UMODL1: variants seen among roughly 807,000 people sequenced by gnomAD.
UMODL1 encodes uromodulin like 1.
In UMODL1, 128 loss-of-function variants were observed where a neutral mutation model predicts 136.3. The ratio of observed to expected loss-of-function variants is 0.94; its 90% CI spans 0.81 to 1.09. The LOEUF (loss-of-function observed/expected upper bound fraction) is 1.09. Ranked by LOEUF, UMODL1 falls within the 50% of genes least tolerant of loss-of-function variation. The pLI is 0.00. For synonymous variants in UMODL1, 721 were observed against 720.0 expected (o/e 1.00, Z -0.02); for missense variants, 1,766 against 1,725.6 (o/e 1.02, Z -0.41).
upstream of UMODL1, among the ~76,000 whole-genome samples, chr21:42,068,243 C>T (rs576673984): frequency 2.6e-5 from 4 of 152,214 alleles, no homozygotes; most frequent in East Asian, 1.9e-4. This position sits in a 1 kb window ranked among gnomAD's most constrained non-coding sequence, Gnocchi z 5.5. Flanking sequence ...GACACGGTCC[C>T]GTCCTCAAGG....
chr21:42,133,449 C>T (rs921529844), intron 21 of UMODL1, among the ~76,000 whole-genome samples: 2 of 152,224 alleles, frequency 1.3e-5, no homozygotes, highest in Non-Finnish European at 2.9e-5. Flanking sequence ...CTCCTGGGGA[C>T]TGAGCTGGCT....
rs755585910 is a variant in UMODL1, at chr21:42,123,075, C to T, written c.3072C>T (p.Cys1024=). The T allele has an allele frequency of 1.9e-6, 3 of 1,614,138 alleles. No individual in the cohort carries two copies. In the South Asian group the frequency reaches 3.3e-5, roughly 18 times the overall value. The change falls in exon 17 of 23, where the codon TGC becomes TGT. Residue 1024 remains cysteine (C), a synonymous_variant. Transcript: ENST00000408910. The surrounding 1 kb of genome is among the most constrained non-coding windows in gnomAD (Gnocchi z 4.4). ...CGTTGTACCTCAGCCACCCCTCCTG[C>T]AACGTGAGCCACAGCAATGGCACAC... ...ESSLYLSHPS[C]NVSHSNGTHV... is the part of the protein sequence containing the mutation.
At chr21:42,139,215 C>G (rs115793566) in intron 22 of UMODL1, among the ~76,000 whole-genome samples, 1 of 152,116 alleles carries the variant, frequency 6.6e-6, no homozygotes, top group East Asian at 1.9e-4. Flanking sequence ...TATCTGGCAG[C>G]GTGTGAGACT....
chr21:42,111,787 C>T (rs1245092586), intron 12 of UMODL1, 77 bp downstream of exon 12: 5 of 1,411,718 alleles, frequency 3.5e-6, no homozygotes, highest in Middle Eastern at 1.8e-4. Context: ...GGCAAAGCTC[C>T]TGCAGCCGTG....
rs1263054494 is a variant in UMODL1, at chr21:42,099,800, C to A, written c.1186+620C>A. Among the ~76,000 whole-genome samples the A allele has an allele frequency of 6.6e-6, 1 of 152,190 alleles. No individual in the cohort carries two copies. The highest frequency in any genetic ancestry group is 1.5e-5 in the Non-Finnish European group (1 of 68,036). ...GACTCAAGTGATCCTGCCACCTCAG[C>A]CTCCCTAGTAGCTGGGACCACAGGC... On this transcript the variant is annotated intron_variant, in intron 7 of 22. Transcript: ENST00000408910. The surrounding 1 kb of genome is among the most constrained non-coding windows in gnomAD (Gnocchi z 4.1).
At chr21:42,115,731 C>A (rs781182935) in intron 13 of UMODL1, 142 bp from the exon 14 acceptor site, 24 of 624,154 alleles carry the variant, frequency 3.8e-5, no homozygotes, top group Non-Finnish European at 6.2e-5. Context: ...TGAGCCCTGG[C>A]ACTATTCCTT....
chr21:42,113,900 C>T (rs1261521316), intron 13 of UMODL1, 70 bp downstream of exon 13: 43 of 1,542,510 alleles, frequency 2.8e-5, no homozygotes, highest in Non-Finnish European at 3.6e-5. Flanking sequence ...TGGGTTAAGG[C>T]TTAAGAGAGC....
intron 13 of UMODL1, among the ~76,000 whole-genome samples, chr21:42,114,098 C>G (rs1361195860): frequency 6.6e-6 from 1 of 152,238 alleles, no homozygotes; most frequent in Non-Finnish European, 1.5e-5. Context: ...GCGGGTGCGG[C>G]TCACCCATGT....
In UMODL1 at chr21:42,090,318, G is replaced by A. The variant is rs570583769; in HGVS notation, c.811G>A (p.Glu271Lys). The change falls in exon 6 of 23, where the codon GAG becomes AAG. Residue 271 changes from glutamate to lysine, a missense_variant. Transcript: ENST00000408910. ...QVQDVNECFY[E>K]ELNACSGREL... ...TGTAGATGTCAATGAGTGTTTCTATGAGGAGCTCAATGCCTGCTCTGGAAG... is the reference window on the plus strand; with the variant it reads ...TGTAGATGTCAATGAGTGTTTCTATAAGGAGCTCAATGCCTGCTCTGGAAG... 141 of 1,614,136 alleles carry A rather than the reference G, an allele frequency of 8.7e-5. 1 individual carries two copies. In the South Asian group the frequency reaches 1.4e-3, roughly 16 times the overall value.
rs373436691 is a variant in UMODL1, at chr21:42,126,442, C to T, written c.3245C>T (p.Ala1082Val). 5 of 1,614,124 alleles carry T rather than the reference C, an allele frequency of 3.1e-6. No individual in the cohort carries two copies. In the African/African-American group the frequency reaches 6.7e-5, roughly 22 times the overall value. Residue 1082 changes from alanine to valine, a missense_variant, in exon 18 of 23, where the codon GCC (alanine) becomes GTC (valine). Transcript: ENST00000408910. Reference sequence around the variant, plus strand: ...AAGATCCTGAGCCCCATCTACTGCGCCTTCCAGAATGACCTGCTGACATCC... The same window carrying T: ...AAGATCCTGAGCCCCATCTACTGCGTCTTCCAGAATGACCTGCTGACATCC... The part of the protein sequence containing the change: ...HLKILSPIYC[A>V]FQNDLLTSSG...
chr21:42,127,987 T>C lies in UMODL1; in HGVS notation c.3690+156T>C, dbSNP rs1350493751. The C allele has an allele frequency of 8.2e-6, 8 of 973,310 alleles. No individual in the cohort carries two copies. In the East Asian group the frequency reaches 2.1e-4, roughly 26 times the overall value. The allele number at this position is 973,310 out of a possible 1,614,324, so 60.3% of individuals were successfully genotyped here. A position where few individuals can be genotyped will look rare whatever the true frequency, so the allele number is the denominator to read the frequency against. On this transcript the variant is annotated intron_variant, in intron 20 of 22. Coordinates refer to ENST00000408910, the MANE Select transcript of UMODL1 (RefSeq NM_001004416.3). ...TGTCCTGCAGACTCCGCGTCTGAAATGGTATTTCCACGGCAGGCAGCCCTT... is the reference window on the plus strand; with the variant it reads ...TGTCCTGCAGACTCCGCGTCTGAAACGGTATTTCCACGGCAGGCAGCCCTT...
intron 4 of UMODL1, 129 bp from the exon 5 acceptor site, chr21:42,088,165 G>A: frequency 7.5e-6 from 7 of 935,942 alleles, no homozygotes; most frequent in South Asian, 6.8e-5. Context: ...GTACTGTAGA[G>A]GTTCTTTGCT....
At chr21:42,137,014 G>A (rs577101621) in intron 21 of UMODL1, among the ~76,000 whole-genome samples, 70 of 152,262 alleles carry the variant, frequency 4.6e-4, no homozygotes, top group Non-Finnish European at 7.9e-4. Context: ...CCTCAGCCCC[G>A]CAAAGTGCTG....
chr21:42,067,757 C>A (rs752479631), upstream of UMODL1, among the ~76,000 whole-genome samples: 1 of 152,242 alleles, frequency 6.6e-6, no homozygotes, highest in African/African-American at 2.4e-5. Flanking sequence ...GGCCTTGCCA[C>A]GAGAAAGCGA....
In UMODL1 at chr21:42,076,158, C is replaced by G. The variant is rs1360327845; in HGVS notation, c.230C>G (p.Thr77Arg). ...CGGTGCCCTAAGATGGTTTACCGGA[C>G]ACAGTACCTGGTAGTGGAGGTCCCC... ...WRRCPKMVYR[T>R]QYLVVEVPES... Residue 77 changes from threonine to arginine, a missense_variant, in exon 2 of 23, where the codon ACA (threonine) becomes AGA (arginine). Coordinates refer to ENST00000408910, the MANE Select transcript of UMODL1 (RefSeq NM_001004416.3). 6.2e-7 allele frequency: 1 copy of G among 1,614,244 alleles called. No homozygotes were observed. The highest frequency in any genetic ancestry group is 8.5e-7 in the Non-Finnish European group (1 of 1,180,048).
upstream of UMODL1, among the ~76,000 whole-genome samples, chr21:42,070,647 T>C (rs1569136512): frequency 1.3e-5 from 2 of 152,214 alleles, no homozygotes; most frequent in African/African-American, 4.8e-5. Context: ...GCCCGTGTAA[T>C]GCTGCATCCA....
intron 10 of UMODL1, 40 bp downstream of exon 10, chr21:42,109,739 T>A (rs373235443): frequency 1.1e-4 from 181 of 1,591,414 alleles, no homozygotes; most frequent in Non-Finnish European, 5.8e-5. Flanking sequence ...GAAGACCCCC[T>A]GCCCGAGAAT....
intron 5 of UMODL1, among the ~76,000 whole-genome samples, chr21:42,089,855 C>T (rs2066469325): frequency 6.6e-6 from 1 of 152,218 alleles, no homozygotes; most frequent in African/African-American, 2.4e-5. Context: ...CTGTCTGAGG[C>T]TGGCTGCTGT....
At chr21:42,066,723 C>T (rs191798977), upstream of UMODL1, among the ~76,000 whole-genome samples, 54 of 152,344 alleles carry the variant, frequency 3.5e-4, no homozygotes, top group Admixed American at 2.2e-3. Context: ...CTGGGGTCAA[C>T]GGTGTGTGAC....
Sources: allele counts gnomAD v4.1 joint callset (sites outside exome capture counted in the v4.1 genomes callset), GRCh38; gene constraint gnomAD v4.1.1; non-coding constraint Gnocchi (gnomAD v3.1); transcripts MANE v1.5; gene names NCBI Gene and HGNC (gene_info 2026-07-23, HGNC 2026-07-21).